The following SPG7 variants were observed in gnomAD, a reference collection of about 807,000 sequenced individuals.
SPG7 encodes SPG7 matrix AAA peptidase subunit, paraplegin.
In SPG7, 103 loss-of-function variants were observed where a neutral mutation model predicts 81.9. The ratio of observed to expected loss-of-function variants is 1.26; its 90% confidence interval spans 1.07 to 1.48. The LOEUF (loss-of-function observed/expected upper bound fraction) is 1.48. SPG7 is among the 40% of genes most tolerant of loss of function. The pLI is 0.00. For synonymous variants in SPG7, 534 were observed against 444.2 expected, an observed-to-expected ratio of 1.20 and a Z score of -2.54; for missense variants, 1,241 against 1,087.3, an observed-to-expected ratio of 1.14 and a Z score of -1.99.
At chr16:89,545,786 A>G in intron 10 of SPG7, 1 of 339,044 alleles carries the variant, frequency 2.9e-6, no homozygotes, top group South Asian at 2.2e-5. Flanking sequence ...TTTGCAGAAT[A>G]AGCATTTGCT....
intron 4 of SPG7, among the ~76,000 whole-genome samples, chr16:89,525,106 C>A (rs113048204): frequency 0.015 from 2,268 of 151,750 alleles, 54 homozygotes; most frequent in African/African-American, 0.05. Flanking sequence ...ATGGCAGGCG[C>A]GCACCACCAC....
intron 4 of SPG7, among the ~76,000 whole-genome samples, chr16:89,526,042 A>G (rs545287218): frequency 1.3e-5 from 2 of 152,308 alleles, no homozygotes; most frequent in East Asian, 1.9e-4. Flanking sequence ...GGAAGTACAG[A>G]TGTTCCTTGA....
chr16:89,535,477 C>T (rs914807744), intron 9 of SPG7, among the ~76,000 whole-genome samples: 1 of 152,214 alleles, frequency 6.6e-6, no homozygotes, highest in Non-Finnish European at 1.5e-5. Flanking sequence ...GCTTGTCCCC[C>T]GTGTCTCCAG....
At chr16:89,544,585 C>A in intron 9 of SPG7, 63 bp from the exon 10 acceptor site, 1 of 1,600,702 alleles carries the variant, frequency 6.2e-7, no homozygotes, top group Admixed American at 1.7e-5. Context: ...GGGGAACCTG[C>A]AGGGGAAATC....
At position 89,532,656 on chromosome 16, in the gene SPG7, G is replaced by T. The variant is rs751096279; in HGVS notation, c.1324+20G>T. 6.2e-7 allele frequency: 1 copy of T among 1,612,470 alleles called. No individual in the cohort carries two copies. Among genetic ancestry groups the T allele is most frequent in the South Asian group, 1.1e-5 (1 of 91,048 alleles). On this transcript the variant is annotated intron_variant, in intron 9 of 16. Transcript: ENST00000645818. ...TGGATGGTCAGTGCTCGTGCGCCCC[G>T]CACCCCCATTGCACCATCAGAGGAG... is the stretch of plus-strand genomic sequence containing the variant.
At chr16:89,509,953 C>G (rs1364734712) in intron 1 of SPG7, among the ~76,000 whole-genome samples, 1 of 151,578 alleles carries the variant, frequency 6.6e-6, no homozygotes, top group East Asian at 1.9e-4. Flanking sequence ...CGTGCCTGGC[C>G]ACTATCGTGA....
At chr16:89,545,085 T>C in intron 10 of SPG7, 1 of 417,040 alleles carries the variant, frequency 2.4e-6, no homozygotes, top group South Asian at 2.1e-5. Flanking sequence ...TGGGTATCAG[T>C]CTGGTTTTTA....
chr16:89,527,649 G>C (rs1411779078), intron 5 of SPG7, among the ~76,000 whole-genome samples: 1 of 152,190 alleles, frequency 6.6e-6, no homozygotes, highest in Non-Finnish European at 1.5e-5. Context: ...AACAGACCAG[G>C]TGGGAGCTGT....
chr16:89,532,147 A>G, intron 8 of SPG7, 81 bp downstream of exon 8: 1 of 1,458,754 alleles, frequency 6.9e-7, no homozygotes, highest in Admixed American at 1.7e-5. Flanking sequence ...TGGTGTCTGG[A>G]CTGAAAGGGA....
At chr16:89,512,899 C>T in intron 2 of SPG7, 49 bp from the exon 3 acceptor site, 1 of 1,605,732 alleles carries the variant, frequency 6.2e-7, no homozygotes, top group Non-Finnish European at 8.5e-7. Context: ...GTATGCCTCC[C>T]CTGTGGTTGC....
intron 9 of SPG7, chr16:89,540,355 G>A (rs1039671082): frequency 6.6e-6 from 1 of 152,140 alleles, no homozygotes. Context: ...GCGCGTCTGA[G>A]TTGGAAGCAT....
At position 89,547,070 on chromosome 16, in the gene SPG7, C is replaced by T. The variant is rs1274828696; in HGVS notation, c.1552+310C>T. ...AGTCATGCCGGCGTTTCCCGTCAGA[C>T]CCAGAGTCAGACCACGCAGTCCCGG... On this transcript the variant is annotated intron_variant, in intron 11 of 16. Transcript: ENST00000645818. The T allele has an allele frequency of 2.6e-5, 10 of 384,272 alleles. No individual in the cohort carries two copies. In the East Asian group the frequency reaches 5.4e-4, roughly 21 times the overall value. 23.8% of individuals were successfully genotyped at this position (384,272 alleles called of 1,614,324 possible).
In SPG7 at chr16:89,508,729, C is replaced by G. The variant is rs970592800; in HGVS notation, c.183+129C>G. 8 of 1,014,394 alleles carry G rather than the reference C, an allele frequency of 7.9e-6. No individual in the cohort carries two copies. In the South Asian group the frequency reaches 8.2e-5, roughly 10 times the overall value. 62.8% of individuals were successfully genotyped at this position (1,014,394 alleles called of 1,614,324 possible). A position where few individuals can be genotyped will look rare whatever the true frequency, so the allele number is the denominator to read the frequency against. On this transcript the variant is annotated intron_variant, in intron 1 of 16. Transcript: ENST00000645818. ...AGCCTGCGCCTGTGGGCCCGCGGATCCCCCAGCTGTGGACCTCGGCGCGGA... is the reference window on the plus strand; with the variant it reads ...AGCCTGCGCCTGTGGGCCCGCGGATGCCCCAGCTGTGGACCTCGGCGCGGA...
chr16:89,515,658 T>A (rs2058085340), intron 3 of SPG7, among the ~76,000 whole-genome samples: 1 of 150,574 alleles, frequency 6.6e-6, no homozygotes, highest in Admixed American at 6.6e-5. Flanking sequence ...GATGATCACT[T>A]GAGCCCAGGA....
chr16:89,550,594 G>A lies in SPG7; in HGVS notation c.1764G>A (p.Thr588=), dbSNP rs373536584. Residue 588 remains threonine, a synonymous_variant, in exon 13 of 17, where the codon ACG becomes ACA. Coordinates refer to ENST00000645818, the MANE Select transcript of SPG7 (RefSeq NM_003119.4). The stretch of plus-strand genomic sequence containing the variant: ...TGGTGGGCTGGATGCTGGAGCACAC[G>A]GAGGCCGTGATGAAGGTGGGTCTTG... ...HALVGWMLEH[T]EAVMKVSITP... is the part of the protein sequence containing the mutation. 65 of 1,613,034 alleles carry A rather than the reference G, an allele frequency of 4.0e-5. No homozygotes were observed. Among genetic ancestry groups the A allele is most frequent in the African/African-American group, 3.2e-4 (24 of 74,934 alleles).
chr16:89,510,408 T>TA, intron 1 of SPG7, 82 bp from the exon 2 acceptor site: 1 of 856,310 alleles, frequency 1.2e-6, no homozygotes, highest in East Asian at 2.5e-5. Flanking sequence ...TTTGAACTTT[T>TA]AAAAACGATT....
chr16:89,517,307 C>T (rs1440253113), intron 3 of SPG7: 3 of 151,284 alleles, frequency 2.0e-5, no homozygotes, highest in Admixed American at 6.6e-5. Flanking sequence ...TGGCAGCCTC[C>T]GTTGTCATGG....
rs10625949 is a variant in SPG7, at chr16:89,511,916, A to AAT, written c.287-1032_287-1031insAT. Reference sequence around the variant, plus strand: ...TGTGTTGTTGTTGTTGTTGTTGTTTATTATTATTTTTTTGAGACGGAGTCT... The same window carrying AAT: ...TGTGTTGTTGTTGTTGTTGTTGTTTAATTTATTATTTTTTTGAGACGGAGTCT... On this transcript the variant is annotated intron_variant, in intron 2 of 16. Coordinates refer to ENST00000645818, the MANE Select transcript of SPG7 (RefSeq NM_003119.4). Among the ~76,000 whole-genome samples, 10 of 111,802 alleles carry AAT rather than the reference A, an allele frequency of 8.9e-5. No individual in the cohort carries two copies. The South Asian group carries it at 9.8e-4, about 11-fold the overall frequency. The allele number at this position is 111,802 out of a possible 152,430, so 73.3% of individuals were successfully genotyped here.
At position 89,544,709 on chromosome 16, in the gene SPG7, C is replaced by T. The variant is rs1210240025; in HGVS notation, c.1386C>T (p.Asp462=). 4.3e-6 allele frequency: 7 copies of T among 1,613,968 alleles called. No individual in the cohort carries two copies. The highest frequency in any genetic ancestry group is 2.7e-5 in the African/African-American group (2 of 74,912). The part of the protein sequence containing the change: ...LASTNRADIL[D]GALMRPGRLD... ...CCACGAACCGAGCTGACATTTTGGA[C>T]GGTGCTCTGATGAGGCCAGGCCGAC... Residue 462 remains aspartate (D), a synonymous_variant, in exon 10 of 17, where the codon GAC becomes GAT. Transcript: ENST00000645818.
Sources: allele counts gnomAD v4.1 joint callset (sites outside exome capture counted in the v4.1 genomes callset), GRCh38; gene constraint gnomAD v4.1.1; transcripts MANE v1.5; gene names NCBI Gene and HGNC (gene_info 2026-07-23, HGNC 2026-07-21).